The following CAPN5 variants were observed in gnomAD, a reference collection of about 807,000 sequenced individuals.
CAPN5 encodes calpain-5.
CAPN5 carries 54 observed loss-of-function variants against 73.0 expected under a neutral mutation model. The observed-to-expected ratio is 0.74, with a 90% CI of 0.59 to 0.93. The LOEUF is 0.93. Among genes scored for constraint, CAPN5 ranks in the 40% least tolerant of loss-of-function variants. CAPN5 has a pLI of 0.00. For missense variants in CAPN5, 785 were observed against 882.9 expected, an observed-to-expected ratio of 0.89 and a Z score of 1.41; for synonymous variants, 335 against 356.9, an observed-to-expected ratio of 0.94 and a Z score of 0.69.
intron 3 of CAPN5, among the ~76,000 whole-genome samples, chr11:77,109,360 A>C (rs184066251): frequency 3.9e-5 from 6 of 152,182 alleles, no homozygotes; most frequent in Non-Finnish European, 8.8e-5. Flanking sequence ...AGACAGGATA[A>C]ATTTCCTGTA....
intron 7 of CAPN5, among the ~76,000 whole-genome samples, chr11:77,117,822 A>G (rs1342770290): frequency 1.3e-5 from 2 of 152,224 alleles, no homozygotes; most frequent in African/African-American, 4.8e-5. Flanking sequence ...CACCATTCAC[A>G]ATAGTAACAG....
chr11:77,074,582 C>G (rs1203041293), intron 1 of CAPN5, among the ~76,000 whole-genome samples: 4 of 152,152 alleles, frequency 2.6e-5, no homozygotes, highest in African/African-American at 9.7e-5. Context: ...TGACTGTGTC[C>G]CCTAAATGAT....
intron 1 of CAPN5, among the ~76,000 whole-genome samples, chr11:77,069,429 C>G (rs1479993598): frequency 2.0e-5 from 3 of 152,120 alleles, no homozygotes; most frequent in Non-Finnish European, 4.4e-5. Context: ...AAACGGAAGC[C>G]TCTCTTGGCT....
intron 11 of CAPN5, 35 bp from the exon 12 acceptor site, chr11:77,122,541 C>CCACCCACACCCCATCACCCA: frequency 8.5e-7 from 1 of 1,176,354 alleles, no homozygotes; most frequent in Non-Finnish European, 1.2e-6. Context: ...GCCCCCACCC[C>CCACCCACACCCCATCACCCA]CACCCTCACC....
At position 77,118,351 on chromosome 11, in the gene CAPN5, A is replaced by G; in HGVS notation, c.1166A>G (p.Gln389Arg). 1 of 1,572,824 alleles carries G rather than the reference A, an allele frequency of 6.4e-7. No homozygotes were observed. Among genetic ancestry groups the G allele is most frequent in the Non-Finnish European group, 8.6e-7 (1 of 1,157,884 alleles). ...AAGGACACCTTCTTCCAGAACCCAC[A>G]GGTGGGCGTTCTCAGGAACCCCCAC... is the stretch of plus-strand genomic sequence containing the variant. ...NHKDTFFQNP[Q>R]YIFEVKKPED... The change falls in exon 8 of 13, where the codon CAG becomes CGG. Residue 389 changes from glutamine to arginine, a missense_variant and splice_region_variant. Transcript: ENST00000648180.
chr11:77,104,299 A>G (rs1247884173), intron 3 of CAPN5, among the ~76,000 whole-genome samples: 3 of 152,162 alleles, frequency 2.0e-5, no homozygotes, highest in Admixed American at 6.5e-5. Context: ...GGCCTCAGGT[A>G]TCCCCTGCTG....
intron 2 of CAPN5, 43 bp downstream of exon 2, chr11:77,085,094 G>A (rs782757950): frequency 3.2e-6 from 5 of 1,573,722 alleles, no homozygotes; most frequent in Non-Finnish European, 4.3e-6. Flanking sequence ...GCGGGCCCAG[G>A]CCCACCCACA....
intron 2 of CAPN5, chr11:77,087,885 C>A (rs1180592777): frequency 6.5e-7 from 1 of 1,535,404 alleles, no homozygotes; most frequent in Non-Finnish European, 8.7e-7. Context: ...GACCTGGGCA[C>A]CTGCCTTCAG....
At chr11:77,110,198 A>T (rs1463240816) in intron 3 of CAPN5, among the ~76,000 whole-genome samples, 1 of 150,564 alleles carries the variant, frequency 6.6e-6, no homozygotes, top group Non-Finnish European at 1.5e-5. Context: ...AGCGATTCTC[A>T]TGAGTCAGCC....
At chr11:77,097,424 G>C (rs1950221382) in intron 3 of CAPN5, among the ~76,000 whole-genome samples, 1 of 146,236 alleles carries the variant, frequency 6.8e-6, no homozygotes, top group Non-Finnish European at 1.5e-5. Context: ...TCATTCATCA[G>C]ACACGATCAG....
intron 2 of CAPN5, among the ~76,000 whole-genome samples, chr11:77,090,579 T>C (rs1244579048): frequency 1.3e-5 from 2 of 152,206 alleles, no homozygotes; most frequent in Admixed American, 1.3e-4. Context: ...GGGCTCAGCC[T>C]CCTCCTCTCT....
At chr11:77,092,339 G>C (rs1194445054) in intron 2 of CAPN5, among the ~76,000 whole-genome samples, 1 of 152,256 alleles carries the variant, frequency 6.6e-6, no homozygotes, top group Non-Finnish European at 1.5e-5. Context: ...TGAGGAGCTG[G>C]AATTCAGTCT....
rs191560070 is a variant in CAPN5, at chr11:77,087,418, G to A, written c.165+2367G>A. On this transcript the variant is annotated intron_variant, in intron 2 of 12. Coordinates refer to ENST00000648180, the MANE Select transcript of CAPN5 (RefSeq NM_004055.5). ...ACCGCCTGTTTACAAATGAGAAGTC[G>A]TGCTGCATGCCCGTCCATCCCCTCC... Among the ~76,000 whole-genome samples, 15 of 152,282 alleles carry A rather than the reference G, an allele frequency of 9.9e-5. 1 individual carries two copies. In the East Asian group the frequency reaches 2.9e-3, roughly 29 times the overall value.
At chr11:77,075,043 C>G (rs10899349) in intron 1 of CAPN5, among the ~76,000 whole-genome samples, 116,000 of 151,876 alleles carry the variant, frequency 0.76, 45,091 homozygotes, top group African/African-American at 0.92. Flanking sequence ...GTGGCAGCCA[C>G]ATGGGGCTCC....
intron 1 of CAPN5, among the ~76,000 whole-genome samples, chr11:77,069,161 T>C (rs1258550166): frequency 6.6e-6 from 1 of 152,192 alleles, no homozygotes; most frequent in African/African-American, 2.4e-5. Context: ...CCTATGACCT[T>C]GAGGCGGAGA....
intron 2 of CAPN5, among the ~76,000 whole-genome samples, chr11:77,091,145 GT>G (rs1385667065): frequency 5.3e-5 from 8 of 152,292 alleles, no homozygotes; most frequent in Non-Finnish European, 1.2e-4. Context: ...GGACAGCAGG[GT>G]CCCCATCTTG....
chr11:77,107,116 C>G (rs1355698632), intron 3 of CAPN5, among the ~76,000 whole-genome samples: 2 of 152,216 alleles, frequency 1.3e-5, no homozygotes, highest in African/African-American at 2.4e-5. Flanking sequence ...CAGCAGGGCT[C>G]TGCTCTCCCA....
Position 77,078,763 on chromosome 11 carries a change from T to TTCA in CAPN5, c.-35-6087_-35-6085dup, listed in dbSNP as rs536122527. On this transcript the variant is annotated intron_variant, in intron 1 of 12. Transcript: ENST00000648180. ...TGTCTTCAATTTCTTTCATCAGTGT[T>TTCA]TCATAGTTTTCAGTGTACAAGTCTT... Among the ~76,000 whole-genome samples, 14 of 142,926 alleles carry TTCA rather than the reference T, an allele frequency of 9.8e-5. No homozygotes were observed. The East Asian group carries it at 2.8e-3, about 28-fold the overall frequency. The allele number at this position is 142,926 out of a possible 152,430, so 93.8% of individuals were successfully genotyped here. A position where few individuals can be genotyped will look rare whatever the true frequency, so the allele number is the denominator to read the frequency against.
At chr11:77,104,823 T>C (rs1950326704) in intron 3 of CAPN5, among the ~76,000 whole-genome samples, 1 of 152,094 alleles carries the variant, frequency 6.6e-6, no homozygotes, top group South Asian at 2.1e-4. Flanking sequence ...GGCCAGAGGG[T>C]CAGGGCCATC....
Sources: allele counts gnomAD v4.1 joint callset (sites outside exome capture counted in the v4.1 genomes callset), GRCh38; gene constraint gnomAD v4.1.1; transcripts MANE v1.5; gene names NCBI Gene and HGNC (gene_info 2026-07-23, HGNC 2026-07-21).